SLC4A2: variants seen among roughly 807,000 people sequenced by gnomAD.
SLC4A2 encodes anion exchange protein 2.
SLC4A2 carries 36 observed loss-of-function variants against 115.0 expected under a neutral mutation model. The ratio of observed to expected loss-of-function variants is 0.31; its 90% confidence interval spans 0.24 to 0.41. The LOEUF (loss-of-function observed/expected upper bound fraction) is 0.41. Among genes scored for constraint, SLC4A2 ranks in the 10% least tolerant of loss-of-function variants. The probability of loss-of-function intolerance (pLI) is 1.00; values close to 1 mark genes in which losing one functional copy is unlikely to be tolerated. For missense variants in SLC4A2, 1,252 were observed against 1,705.6 expected (o/e 0.73, Z 4.68); for synonymous variants, 708 against 708.3 (o/e 1.00, Z 0.01).
chr7:151,062,116 C>A, intron 2 of SLC4A2, 78 bp downstream of exon 2: 4 of 1,192,462 alleles, frequency 3.4e-6, no homozygotes, highest in Non-Finnish European at 4.8e-6. Flanking sequence ...GGGTCCTCGC[C>A]AACCAGGGGT....
intron 5 of SLC4A2, 98 bp from the exon 6 acceptor site, chr7:151,066,419 T>C: frequency 1.5e-6 from 2 of 1,372,586 alleles, no homozygotes. Flanking sequence ...GGGCCTGGAG[T>C]CCGATGTGGG....
rs775299796 is a variant in SLC4A2 at position 151,071,537 on chromosome 7, G to T, written c.2123G>T (p.Cys708Phe). Residue 708 changes from cysteine (C) to phenylalanine (F), a missense_variant, in exon 14 of 23, where the codon TGC becomes TTC. By Grantham distance (205) the Cys-to-Phe change is radical (BLOSUM62 -2). Transcript: ENST00000413384. This position sits in a 1 kb window ranked among gnomAD's most constrained non-coding sequence, Gnocchi z 5.5. ...SDFRDALDPQCLAAVIFIYFA... is the reference protein window; with the variant it reads ...SDFRDALDPQFLAAVIFIYFA... ...TTCCGAGATGCACTTGACCCTCAGT[G>T]CCTGGCCGCAGTCATCTTCATCTAC... 1 of 1,613,998 alleles carries T rather than the reference G, an allele frequency of 6.2e-7. No homozygotes were observed. The highest frequency in any genetic ancestry group is 1.7e-5 in the Admixed American group (1 of 60,000).
intron 19 of SLC4A2, 93 bp downstream of exon 19, chr7:151,074,934 C>T: frequency 7.6e-7 from 1 of 1,314,804 alleles, no homozygotes; most frequent in Non-Finnish European, 1.0e-6. Context: ...CTGGGCAATC[C>T]CAGGGACCTC....
chr7:151,071,248 G>T lies in SLC4A2; in HGVS notation c.1926G>T (p.Arg642=). The change falls in exon 13 of 23, where the codon CGG becomes CGT. Residue 642 remains arginine, a synonymous_variant. Transcript: ENST00000413384. The surrounding 1 kb of genome is among the most constrained non-coding windows in gnomAD (Gnocchi z 5.5). Reference sequence around the variant, plus strand: ...TCAAGAAGCGAGAGGAGCAGGGCCGGCTGCTACCTACAGGGGCTGGGCTGG... The same window carrying T: ...TCAAGAAGCGAGAGGAGCAGGGCCGTCTGCTACCTACAGGGGCTGGGCTGG... ...QMLKKREEQG[R]LLPTGAGLEP... The T allele has an allele frequency of 6.4e-7, 1 of 1,571,756 alleles. No individual in the cohort carries two copies.
At position 151,064,777 on chromosome 7, in the gene SLC4A2, G is replaced by A. The variant is rs1486377201; in HGVS notation, c.459+10G>A. 1 of 1,607,584 alleles carries A rather than the reference G, an allele frequency of 6.2e-7. No individual in the cohort carries two copies. Among genetic ancestry groups the A allele is most frequent in the Admixed American group, 1.7e-5 (1 of 59,780 alleles). On this transcript the variant is annotated intron_variant, in intron 4 of 22. Coordinates refer to ENST00000413384, the MANE Select transcript of SLC4A2 (RefSeq NM_003040.4). ...ACCCTCCTCGGTGCAGGTGCGCTGG[G>A]TGCGGGCTCCTAGGGCATGTCGGCA...
chr7:151,071,763 C>T lies in SLC4A2; in HGVS notation c.2266C>T (p.Leu756=), dbSNP rs1797449017. 2 of 1,612,672 alleles carry T rather than the reference C, an allele frequency of 1.2e-6. No homozygotes were observed. The highest frequency in any genetic ancestry group is 8.5e-7 in the Non-Finnish European group (1 of 1,179,712). Residue 756 remains leucine (L), a synonymous_variant, in exon 15 of 23, where the codon CTG becomes TTG. Coordinates refer to ENST00000413384, the MANE Select transcript of SLC4A2 (RefSeq NM_003040.4). This position sits in a 1 kb window ranked among gnomAD's most constrained non-coding sequence, Gnocchi z 5.5. The stretch of plus-strand genomic sequence containing the variant: ...AGCGCTCCAGGGCGTGGTCTTCTGC[C>T]TGCTGGGTGCCCAGCCCCTGTTGGT... ...STALQGVVFC[L]LGAQPLLVIG...
rs781005041 is a variant in SLC4A2 at position 151,070,050 on chromosome 7, C to T, written c.1251C>T (p.Ala417=). 4.3e-6 allele frequency: 7 copies of T among 1,614,126 alleles called. No individual in the cohort carries two copies. In the East Asian group the frequency reaches 1.3e-4, roughly 31 times the overall value. The change falls in exon 9 of 23, where the codon GCC becomes GCT. Residue 417 remains alanine (A), a synonymous_variant. Transcript: ENST00000413384. ...ISDQIKAEDR[A]NVLRALLLKH... is the part of the protein sequence containing the mutation. ...ACCAGATCAAGGCCGAGGACAGGGC[C>T]AACGTGCTGCGGGCTCTGCTGTTGA...
chr7:151,062,955 G>T, intron 2 of SLC4A2: 1 of 1,404,960 alleles, frequency 7.1e-7, no homozygotes, highest in Non-Finnish European at 9.2e-7. Flanking sequence ...TGCTGGCACC[G>T]CTATGGAGGG....
rs1249997507 is a variant in SLC4A2 at position 151,071,204 on chromosome 7, C to T, written c.1882C>T (p.His628Tyr). 6.2e-7 allele frequency: 1 copy of T among 1,602,422 alleles called. No homozygotes were observed. The highest frequency in any genetic ancestry group is 8.5e-7 in the Non-Finnish European group (1 of 1,175,156). ...QGEELLRSVA[H>Y]FQRQMLKKRE... ...CGAGGAGCTGCTGCGCTCTGTGGCC[C>T]ACTTCCAGCGCCAGATGCTCAAGAA... The change falls in exon 13 of 23, where the codon CAC (histidine) becomes TAC (tyrosine). Residue 628 changes from histidine to tyrosine, a missense_variant. By Grantham distance (83) the His-to-Tyr change is moderately conservative. Transcript: ENST00000413384. This position sits in a 1 kb window ranked among gnomAD's most constrained non-coding sequence, Gnocchi z 5.5.
Position 151,062,032 on chromosome 7 carries a change from C to G in SLC4A2, c.45C>G (p.Phe15Leu), listed in dbSNP as rs757620826. The G allele has an allele frequency of 6.8e-6, 11 of 1,610,706 alleles. No individual in the cohort carries two copies. Among genetic ancestry groups the G allele is most frequent in the Middle Eastern group, 3.3e-4 (2 of 6,078 alleles). ...GCCCCGCCAAGGGCGCAGATTCTTTCTGTACGGTGAGTGTGGCCCCCAGGT... is the reference window on the plus strand; with the variant it reads ...GCCCCGCCAAGGGCGCAGATTCTTTGTGTACGGTGAGTGTGGCCCCCAGGT... ...PRRPAKGADS[F>L]CTPEPESLGP... is the part of the protein sequence containing the mutation. The change falls in exon 2 of 23, where the codon TTC becomes TTG. Residue 15 changes from phenylalanine (F) to leucine (L), a missense_variant. Around this residue, in one of 14 missense-constraint regions of SLC4A2, gnomAD observed 74 missense variants for 85.3 expected, o/e 0.87. Transcript: ENST00000413384.
rs564208942 is a variant in SLC4A2, at chr7:151,070,620, G to A, written c.1564+49G>A. On this transcript the variant is annotated intron_variant, in intron 11 of 22. Transcript: ENST00000413384. ...GGGGGCTTGGTGGCCAGGCCTTGAG[G>A]CAGAGTCCTGTAGTCTCCCTGGCCC... is the stretch of plus-strand genomic sequence containing the variant. 1.6e-5 allele frequency: 25 copies of A among 1,600,568 alleles called. No individual in the cohort carries two copies. The African/African-American group carries it at 2.3e-4, about 15-fold the overall frequency.
intron 1 of SLC4A2, chr7:151,061,189 C>G (rs1797031951): frequency 6.6e-6 from 1 of 152,322 alleles, no homozygotes; most frequent in African/African-American, 2.4e-5. Context: ...CCACCCCCTC[C>G]CAGCCCATCA....
chr7:151,062,421 AC>A, intron 2 of SLC4A2: 1 of 880,328 alleles, frequency 1.1e-6, no homozygotes, highest in African/African-American at 1.7e-5. Flanking sequence ...ACGACTGGCC[AC>A]GCCCCCTGCC....
rs371369291 is a variant in SLC4A2, at chr7:151,076,280, C to A, written c.3646-7C>A. 3.3e-5 allele frequency: 52 copies of A among 1,572,830 alleles called. No homozygotes were observed. In the African/African-American group the frequency reaches 6.7e-4, roughly 20 times the overall value. ...TCCCTTCTTGACCGCCACCTCCCCA[C>A]ACACAGCTGGATGCTAACGAGGCAG... On this transcript the variant is annotated splice_polypyrimidine_tract_variant and splice_region_variant and intron_variant, in intron 22 of 22. Transcript: ENST00000413384.
chr7:151,063,154 G>A (rs750026717), intron 2 of SLC4A2: 2 of 1,506,572 alleles, frequency 1.3e-6, no homozygotes, highest in East Asian at 2.7e-5. Flanking sequence ...CGGCTGTGCC[G>A]GCCGGCCGCT....
chr7:151,070,598 G>A, intron 11 of SLC4A2, 27 bp downstream of exon 11: 2 of 1,606,580 alleles, frequency 1.2e-6, no homozygotes, highest in South Asian at 2.2e-5. Context: ...ACATGTAGGG[G>A]GCTTGGTGGC....
intron 16 of SLC4A2, among the ~76,000 whole-genome samples, chr7:151,073,660 TCAAA>T (rs1797518202): frequency 6.6e-6 from 1 of 152,196 alleles, no homozygotes; most frequent in Admixed American, 6.5e-5. Context: ...TGTTAAAATG[TCAAA>T]CAATCCAGGA....
intron 2 of SLC4A2, chr7:151,062,528 C>G: frequency 7.2e-7 from 1 of 1,387,672 alleles, no homozygotes; most frequent in South Asian, 1.7e-5. Flanking sequence ...ATGATTAACC[C>G]CGTGCCACAA....
intron 11 of SLC4A2, 44 bp downstream of exon 11, chr7:151,070,615 T>C: frequency 1.2e-6 from 2 of 1,601,546 alleles, no homozygotes; most frequent in Non-Finnish European, 1.7e-6. Flanking sequence ...TGGCCAGGCC[T>C]TGAGGCAGAG....
Sources: allele counts gnomAD v4.1 joint callset (sites outside exome capture counted in the v4.1 genomes callset), GRCh38; gene constraint gnomAD v4.1.1; regional missense constraint gnomAD v4.1.1; non-coding constraint Gnocchi (gnomAD v3.1); transcripts MANE v1.5; gene names NCBI Gene and HGNC (gene_info 2026-07-23, HGNC 2026-07-21).